The following KCNH8 variants were observed in gnomAD, a reference collection of about 807,000 sequenced individuals.
KCNH8 encodes potassium voltage-gated channel subfamily H member 8.
In KCNH8, 70 loss-of-function variants were observed where a neutral mutation model predicts 103.6. The ratio of observed to expected loss-of-function variants is 0.68; its 90% confidence interval spans 0.56 to 0.82. KCNH8 has a LOEUF of 0.82. Ranked by LOEUF, KCNH8 falls within the 40% of genes least tolerant of loss-of-function variation. KCNH8 has a pLI of 0.00. For synonymous variants in KCNH8, 498 were observed against 489.4 expected (o/e 1.02, Z -0.23); for missense variants, 1,217 against 1,329.9 (o/e 0.92, Z 1.32).
chr3:19,234,381 TGGG>T (rs1027212329), intron 1 of KCNH8, among the ~76,000 whole-genome samples: 1 of 152,232 alleles, frequency 6.6e-6, no homozygotes, highest in Admixed American at 6.5e-5. Context: ...CCCACGGAGT[TGGG>T]GGGAGGCTCA....
intron 3 of KCNH8, among the ~76,000 whole-genome samples, chr3:19,319,549 G>A (rs553083696): frequency 1.3e-5 from 2 of 152,072 alleles, no homozygotes; most frequent in East Asian, 3.9e-4. Context: ...TGAGTACCAA[G>A]CTATTTTGGT....
chr3:19,217,710 G>T (rs1424464867), intron 1 of KCNH8, among the ~76,000 whole-genome samples: 3 of 152,170 alleles, frequency 2.0e-5, no homozygotes, highest in Admixed American at 6.5e-5. Flanking sequence ...AGGCAGGCTG[G>T]CTTCAGCGTC....
chr3:19,403,361 AATATATATATATATAT>A lies in KCNH8; in HGVS notation c.1177+8074_1177+8089del, dbSNP rs57523893. ...CCCCCCATGAAATACATATGTAAAG[AATATATATATATATAT>A]ATATATATATATATATATATATAAA... is the stretch of plus-strand genomic sequence containing the variant. On this transcript the variant is annotated intron_variant, in intron 7 of 15. Transcript: ENST00000328405. 2.2e-3 allele frequency among the ~76,000 whole-genome samples: 269 copies of A among 124,642 alleles called. 1 individual carries two copies. The highest frequency in any genetic ancestry group is 6.0e-3 in the African/African-American group (219 of 36,664). 81.8% of individuals were successfully genotyped at this position (124,642 alleles called of 152,430 possible).
intron 4 of KCNH8, among the ~76,000 whole-genome samples, chr3:19,345,602 A>G (rs544505928): frequency 2.9e-4 from 44 of 152,176 alleles, no homozygotes; most frequent in Admixed American, 1.4e-3. Context: ...ACTTCCTGCT[A>G]AAAAGCATAA....
intron 2 of KCNH8, among the ~76,000 whole-genome samples, chr3:19,261,750 G>T (rs971306659): frequency 5.3e-5 from 8 of 151,248 alleles, no homozygotes; most frequent in East Asian, 1.9e-4. Context: ...TTATATTTAG[G>T]TTTTTTTTAT....
intron 11 of KCNH8, among the ~76,000 whole-genome samples, chr3:19,473,469 AC>A (rs928715027): frequency 1.3e-5 from 2 of 152,192 alleles, no homozygotes; most frequent in African/African-American, 4.8e-5. Context: ...CCCTATGGTC[AC>A]AGACTGGCTC....
intron 15 of KCNH8, among the ~76,000 whole-genome samples, chr3:19,520,666 GT>G (rs1232103000): frequency 1.3e-5 from 2 of 151,698 alleles, no homozygotes; most frequent in African/African-American, 4.8e-5. Context: ...CTATTATCTG[GT>G]TAATAGCAAG....
At chr3:19,452,787 T>C (rs1231171415) in intron 10 of KCNH8, among the ~76,000 whole-genome samples, 1 of 152,206 alleles carries the variant, frequency 6.6e-6, no homozygotes, top group Non-Finnish European at 1.5e-5. Flanking sequence ...GGTGAAGGTA[T>C]TTTCTCTGAT....
At chr3:19,487,768 T>C (rs1232824776) in intron 11 of KCNH8, among the ~76,000 whole-genome samples, 1 of 152,170 alleles carries the variant, frequency 6.6e-6, no homozygotes, top group Non-Finnish European at 1.5e-5. Context: ...AGCCCTGTCT[T>C]GTAAAGGAGA....
At chr3:19,225,427 A>G (rs756185711) in intron 1 of KCNH8, among the ~76,000 whole-genome samples, 3 of 152,076 alleles carry the variant, frequency 2.0e-5, no homozygotes, top group Non-Finnish European at 4.4e-5. Flanking sequence ...ACATTAGGCT[A>G]TATTGGGCTA....
rs2063702032 is a variant in KCNH8 at position 19,205,158 on chromosome 3, C to T, written c.77-48496C>T. 2.6e-5 allele frequency among the ~76,000 whole-genome samples: 4 copies of T among 152,064 alleles called. No individual in the cohort carries two copies. The South Asian group carries it at 8.3e-4, about 32-fold the overall frequency. On this transcript the variant is annotated intron_variant, in intron 1 of 15. Coordinates refer to ENST00000328405, the MANE Select transcript of KCNH8 (RefSeq NM_144633.3). Reference sequence around the variant, plus strand: ...CCAACTATCTATCTACCTATCCATCCACTCACTCTTTCATATATCTAACTA... The same window carrying T: ...CCAACTATCTATCTACCTATCCATCTACTCACTCTTTCATATATCTAACTA...
At chr3:19,532,710 G>GTA (rs1043926615) in intron 15 of KCNH8, among the ~76,000 whole-genome samples, 4 of 152,182 alleles carry the variant, frequency 2.6e-5, no homozygotes, top group African/African-American at 9.7e-5. Flanking sequence ...TATATCATCA[G>GTA]TACTTTAGAG....
intron 15 of KCNH8, among the ~76,000 whole-genome samples, chr3:19,531,890 G>C (rs1458591164): frequency 6.6e-6 from 1 of 152,114 alleles, no homozygotes; most frequent in African/African-American, 2.4e-5. Flanking sequence ...TTAGCATTTT[G>C]TGGTTCACGA....
At chr3:19,327,324 C>T (rs141910954) in intron 3 of KCNH8, among the ~76,000 whole-genome samples, 326 of 152,302 alleles carry the variant, frequency 2.1e-3, no homozygotes, top group African/African-American at 6.9e-3. Context: ...CAGGTTCTCA[C>T]TCTGTCACCC....
chr3:19,339,349 C>G (rs2065627306), intron 3 of KCNH8, among the ~76,000 whole-genome samples: 1 of 151,970 alleles, frequency 6.6e-6, no homozygotes, highest in African/African-American at 2.4e-5. Context: ...ATTTTGAAGC[C>G]AATTGATATG....
At chr3:19,424,983 T>TACACAC (rs552536520) in intron 7 of KCNH8, among the ~76,000 whole-genome samples, 2 of 151,444 alleles carry the variant, frequency 1.3e-5, no homozygotes, top group Non-Finnish European at 2.9e-5. Flanking sequence ...GTTTCCCTGT[T>TACACAC]ACACACACAC....
intron 7 of KCNH8, among the ~76,000 whole-genome samples, chr3:19,432,556 C>T (rs1246406809): frequency 2.6e-5 from 4 of 151,950 alleles, no homozygotes; most frequent in African/African-American, 9.7e-5. Flanking sequence ...TGTTTTTGTC[C>T]TGATGTAATG....
chr3:19,222,615 A>G lies in KCNH8; in HGVS notation c.77-31039A>G, dbSNP rs73182710. ...TTTGAAAACTGTAGTGTGACAAATA[A>G]TACAAGCTCACCCTTTAAATAAATT... On this transcript the variant is annotated intron_variant, in intron 1 of 15. Coordinates refer to ENST00000328405, the MANE Select transcript of KCNH8 (RefSeq NM_144633.3). Among the ~76,000 whole-genome samples, 880 of 152,336 alleles carry G rather than the reference A, an allele frequency of 5.8e-3. 5 individuals carry two copies. The highest frequency in any genetic ancestry group is 0.02 in the African/African-American group (829 of 41,586).
At chr3:19,155,563 G>A (rs2063173057) in intron 1 of KCNH8, among the ~76,000 whole-genome samples, 1 of 152,136 alleles carries the variant, frequency 6.6e-6, no homozygotes, top group South Asian at 2.1e-4. Context: ...AATGTCCAAT[G>A]TCCTTGGCAT....
Sources: gnomAD v4.1 joint callset for allele counts (sites outside exome capture counted in the v4.1 genomes callset) on GRCh38, gnomAD v4.1.1 for gene constraint, MANE v1.5 for transcripts, NCBI Gene and HGNC (gene_info 2026-07-23, HGNC 2026-07-21) for gene names.